The following FGF13 variants were observed in gnomAD, a reference collection of about 807,000 sequenced individuals.
FGF13 encodes the protein fibroblast growth factor homologous factor 2.
In FGF13, 2 loss-of-function variants were observed where a neutral mutation model predicts 19.5. That is an observed-to-expected ratio of 0.10 (90% confidence interval 0.04 to 0.32). The LOEUF is 0.32. Among genes scored for constraint, FGF13 ranks in the 10% least tolerant of loss-of-function variants. The pLI, the probability that FGF13 is intolerant of heterozygous loss-of-function variation, is 1.00. For synonymous variants in FGF13, 72 were observed against 76.9 expected (o/e 0.94, Z 0.33); for missense variants, 113 against 192.7 (o/e 0.59, Z 2.45).
At chrX:138,844,602 C>T (rs937763287) in intron 3 of FGF13, among the ~76,000 whole-genome samples, 12 of 112,235 alleles carry the variant, frequency 1.1e-4, no homozygotes, top group African/African-American at 3.9e-4. Flanking sequence ...CAACGATTTA[C>T]CGCATTCAGC....
intron 1 of FGF13, among the ~76,000 whole-genome samples, chrX:138,925,895 G>A (rs965694137): frequency 8.9e-6 from 1 of 111,795 alleles, no homozygotes; most frequent in Non-Finnish European, 1.9e-5. Flanking sequence ...GGAAAAGAGG[G>A]CATGGAAGAG....
Position 138,617,622 on chromosome X carries a change from CAT to C in FGF13, c.*15226_*15227del, listed in dbSNP as rs78393889. On this transcript the variant is annotated 3_prime_UTR_variant, in exon 5 of 5. Transcript: ENST00000315930. Reference sequence around the variant, plus strand: ...AGGTGTGTGTGTCTGTGCATGCACACATGTGTGTGAGAGAAAAAGAGAGTGAG... The same window carrying C: ...AGGTGTGTGTGTCTGTGCATGCACACGTGTGTGAGAGAAAAAGAGAGTGAG... 3,782 of 111,372 alleles carry C rather than the reference CAT, an allele frequency of 0.034. 268 individuals carry two copies. The East Asian group carries it at 0.38, about 11-fold the overall frequency. 9.2% of individuals were successfully genotyped at this position (111,372 alleles called of 1,213,427 possible). A position where few individuals can be genotyped will look rare whatever the true frequency, so the allele number is the denominator to read the frequency against.
intron 1 of FGF13, among the ~76,000 whole-genome samples, chrX:139,055,763 C>G (rs1453243902): frequency 8.9e-6 from 1 of 112,508 alleles, no homozygotes; most frequent in South Asian, 3.6e-4. Flanking sequence ...TATAAAGCAT[C>G]AGTGATTTCA....
At chrX:138,732,879 T>G (rs1388973432) in intron 1 of FGF13, among the ~76,000 whole-genome samples, 1 of 111,223 alleles carries the variant, frequency 9.0e-6, no homozygotes, top group African/African-American at 3.3e-5. Context: ...ATGGTCTTCC[T>G]GTATCAGAAT....
At chrX:139,100,183 C>A (rs913957055) in intron 1 of FGF13, among the ~76,000 whole-genome samples, 13 of 110,884 alleles carry the variant, frequency 1.2e-4, no homozygotes, top group Non-Finnish European at 2.3e-4. Context: ...TTAGGTATGA[C>A]CTGGAATTTG....
At chrX:138,865,625 T>C (rs753306859) in intron 1 of FGF13, among the ~76,000 whole-genome samples, 1 of 109,833 alleles carries the variant, frequency 9.1e-6, no homozygotes, top group Admixed American at 9.8e-5. Flanking sequence ...CTGTGTAAAA[T>C]TGCACAGCAG....
chrX:139,124,705 T>C (rs1427864255), intron 1 of FGF13, among the ~76,000 whole-genome samples: 1 of 112,308 alleles, frequency 8.9e-6, no homozygotes, highest in African/African-American at 3.2e-5. Context: ...TAACAATAAG[T>C]TCCCCGTAAG....
chrX:139,184,148 T>C (rs942075894), intron 1 of FGF13, among the ~76,000 whole-genome samples: 6 of 112,345 alleles, frequency 5.3e-5, no homozygotes, highest in Admixed American at 4.7e-4. Flanking sequence ...CATGGGTTCA[T>C]ACCAACTTAG....
At chrX:138,911,957 A>C (rs748612105) in intron 1 of FGF13, among the ~76,000 whole-genome samples, 1 of 112,182 alleles carries the variant, frequency 8.9e-6, no homozygotes, top group South Asian at 3.8e-4. Context: ...CCTGGTTTGA[A>C]GTAAAAGGGA....
chrX:138,705,415 G>A (rs779428128), intron 2 of FGF13, among the ~76,000 whole-genome samples: 1 of 111,261 alleles, frequency 9.0e-6, no homozygotes. Context: ...ACAGAAGGAG[G>A]AATAGAAGAA....
At chrX:139,154,774 T>A (rs772601104) in intron 1 of FGF13, among the ~76,000 whole-genome samples, 2 of 112,033 alleles carry the variant, frequency 1.8e-5, no homozygotes, top group South Asian at 7.5e-4. Flanking sequence ...ATATTTTGAT[T>A]GAGAAAACAA....
At chrX:139,152,288 C>T (rs1279406920) in intron 1 of FGF13, among the ~76,000 whole-genome samples, 2 of 94,310 alleles carry the variant, frequency 2.1e-5, no homozygotes, top group African/African-American at 3.7e-5. Flanking sequence ...GAGGAGGCCC[C>T]GGGGCGATTA....
intron 1 of FGF13, among the ~76,000 whole-genome samples, chrX:139,037,587 T>A (rs1015763760): frequency 9.0e-6 from 1 of 111,644 alleles, no homozygotes; most frequent in Non-Finnish European, 1.9e-5. Context: ...TTTCTCACCT[T>A]TTCCAGCTTG....
At chrX:138,770,521 T>A (rs762106058) in intron 3 of FGF13, among the ~76,000 whole-genome samples, 2 of 111,009 alleles carry the variant, frequency 1.8e-5, no homozygotes, top group South Asian at 3.9e-4. Context: ...CCTCTGAGAA[T>A]CCCTCCTAGT....
intron 1 of FGF13, among the ~76,000 whole-genome samples, chrX:138,897,908 T>G (rs1444961409): frequency 9.0e-6 from 1 of 111,408 alleles, no homozygotes; most frequent in Non-Finnish European, 1.9e-5. Context: ...CTTTGTTTTA[T>G]CTTGATGAGG....
intron 3 of FGF13, among the ~76,000 whole-genome samples, chrX:138,773,220 C>CA (rs1569389655): frequency 9.0e-6 from 1 of 111,214 alleles, no homozygotes; most frequent in Non-Finnish European, 1.9e-5. Context: ...TTAGTCCACC[C>CA]ATATGGCCTG....
intron 1 of FGF13, among the ~76,000 whole-genome samples, chrX:138,994,024 A>C (rs2092030690): frequency 9.0e-6 from 1 of 111,481 alleles, no homozygotes; most frequent in African/African-American, 3.3e-5. Context: ...CCTGTATAGT[A>C]CTAGAGACTA....
At chrX:138,822,700 A>G (rs1020186544) in intron 3 of FGF13, among the ~76,000 whole-genome samples, 1 of 112,520 alleles carries the variant, frequency 8.9e-6, no homozygotes, top group East Asian at 2.8e-4. Context: ...CTGCTCTAAA[A>G]TTTCAAAAAT....
At chrX:139,054,844 G>A (rs1164183951) in intron 1 of FGF13, among the ~76,000 whole-genome samples, 1 of 105,264 alleles carries the variant, frequency 9.5e-6, no homozygotes, top group African/African-American at 3.5e-5. Flanking sequence ...TAACCTCCTT[G>A]GTTAGGTATA....
Sources: allele counts gnomAD v4.1 joint callset (sites outside exome capture counted in the v4.1 genomes callset), GRCh38; gene constraint gnomAD v4.1.1; transcripts MANE v1.5; gene names NCBI Gene and HGNC (gene_info 2026-07-23, HGNC 2026-07-21).